The following RGS12 variants were observed in gnomAD, a reference collection of about 807,000 sequenced individuals.
RGS12 encodes the protein regulator of G-protein signaling 12.
Under a neutral mutation model 120.1 loss-of-function variants are expected in RGS12, and 66 were observed. That is an observed-to-expected ratio of 0.55 (90% CI 0.45 to 0.67). The LOEUF (loss-of-function observed/expected upper bound fraction) is 0.67, where lower values mean the gene tolerates loss of function less well. Ranked by LOEUF, RGS12 falls within the 30% of genes least tolerant of loss-of-function variation. The pLI, the probability that RGS12 is intolerant of heterozygous loss-of-function variation, is 0.00. For synonymous variants in RGS12, 827 were observed against 804.7 expected (o/e 1.03, Z -0.47); for missense variants, 1,859 against 1,957.7 (o/e 0.95, Z 0.95).
chr4:3,436,816 G>T (rs1454961601), intron 17 of RGS12, among the ~76,000 whole-genome samples: 1 of 152,194 alleles, frequency 6.6e-6, no homozygotes, highest in African/African-American at 2.4e-5. Context: ...GGGGCCTCCA[G>T]CAGGACCCCC....
At chr4:3,417,725 G>C in intron 9 of RGS12, 184 bp downstream of exon 9, 1 of 628,044 alleles carries the variant, frequency 1.6e-6, no homozygotes. Flanking sequence ...CGACCTGTCA[G>C]CCAGCCAGAG....
At chr4:3,388,448 G>A (rs527538084) in intron 4 of RGS12, among the ~76,000 whole-genome samples, 6 of 152,350 alleles carry the variant, frequency 3.9e-5, no homozygotes, top group Admixed American at 6.5e-5. Flanking sequence ...ACATTCTGCC[G>A]TTGTTAGATG....
intron 3 of RGS12, among the ~76,000 whole-genome samples, chr4:3,371,217 G>T (rs770515837): frequency 5.3e-5 from 8 of 152,208 alleles, no homozygotes; most frequent in Non-Finnish European, 1.0e-4. Context: ...AAAGCTGCTT[G>T]GAAGGTGAAG....
At chr4:3,426,582 A>C (rs1185987751) in intron 14 of RGS12, 1 of 152,082 alleles carries the variant, frequency 6.6e-6, no homozygotes, top group Admixed American at 6.5e-5. Flanking sequence ...AGCTCTTTCC[A>C]ACGTGTTGCC....
chr4:3,355,794 CA>C (rs372490658), intron 3 of RGS12, among the ~76,000 whole-genome samples: 3,533 of 58,060 alleles, frequency 0.061, 43 homozygotes, highest in African/African-American at 0.2. Context: ...GACCTTGTCT[CA>C]AAAAAAAAAA....
chr4:3,295,516 C>T (rs1256543882), intron 1 of RGS12, among the ~76,000 whole-genome samples: 5 of 151,838 alleles, frequency 3.3e-5, no homozygotes, highest in African/African-American at 9.7e-5. Flanking sequence ...CAAAATTATT[C>T]GGGTGTGGTG....
chr4:3,409,925 C>T (rs1721554392), intron 4 of RGS12, among the ~76,000 whole-genome samples: 1 of 152,222 alleles, frequency 6.6e-6, no homozygotes, highest in African/African-American at 2.4e-5. Flanking sequence ...CAGTCTCTTG[C>T]TCATCACTGT....
At chr4:3,301,269 C>G (rs1419450850) in intron 1 of RGS12, among the ~76,000 whole-genome samples, 1 of 152,244 alleles carries the variant, frequency 6.6e-6, no homozygotes, top group African/African-American at 2.4e-5. Context: ...TTGTCCTTAA[C>G]ACGCTTGGTG....
intron 3 of RGS12, among the ~76,000 whole-genome samples, chr4:3,370,735 G>C (rs925021028): frequency 2.6e-5 from 4 of 152,288 alleles, no homozygotes; most frequent in Non-Finnish European, 5.9e-5. Context: ...AATGATGGTA[G>C]CTTAACATTT....
rs80021173 is a variant in RGS12 at position 3,423,094 on chromosome 4, G to A, written c.3107+116G>A. Reference sequence around the variant, plus strand: ...CTGTGGATGCTCCATGCTGGGCTACGATGGGGTGTCGGGGCGGGGGGAGGG... The same window carrying A: ...CTGTGGATGCTCCATGCTGGGCTACAATGGGGTGTCGGGGCGGGGGGAGGG... On this transcript the variant is annotated intron_variant, in intron 12 of 17. Coordinates refer to ENST00000336727, the MANE Select transcript of RGS12 (RefSeq NM_001394154.1). 9.8e-3 allele frequency: 7,137 copies of A among 731,828 alleles called. 384 individuals carry two copies. In the African/African-American group the frequency reaches 0.11, roughly 12 times the overall value. The allele number at this position is 731,828 out of a possible 1,614,324, so 45.3% of individuals were successfully genotyped here.
chr4:3,388,972 G>T (rs563611122), intron 4 of RGS12, among the ~76,000 whole-genome samples: 1 of 152,306 alleles, frequency 6.6e-6, no homozygotes, highest in East Asian at 1.9e-4. Context: ...TCTCTGCCTG[G>T]TCATCCTGTC....
intron 1 of RGS12, among the ~76,000 whole-genome samples, chr4:3,297,766 C>T (rs957482159): frequency 2.6e-5 from 4 of 152,170 alleles, no homozygotes; most frequent in African/African-American, 9.7e-5. Context: ...ACCTGCTGCG[C>T]CGCTGTCACC....
At chr4:3,337,223 C>G (rs888519647) in intron 2 of RGS12, among the ~76,000 whole-genome samples, 2 of 152,146 alleles carry the variant, frequency 1.3e-5, no homozygotes, top group African/African-American at 4.8e-5. Flanking sequence ...AAAAATGACC[C>G]GTGTTGGGCA....
chr4:3,301,739 C>G (rs927331465), intron 1 of RGS12, among the ~76,000 whole-genome samples: 1 of 150,474 alleles, frequency 6.6e-6, no homozygotes, highest in Non-Finnish European at 1.5e-5. Flanking sequence ...GGGTTTTGTC[C>G]AAGGAAGCAG....
At chr4:3,376,908 G>A (rs577096374) in intron 3 of RGS12, among the ~76,000 whole-genome samples, 1 of 152,324 alleles carries the variant, frequency 6.6e-6, no homozygotes, top group Admixed American at 6.5e-5. Flanking sequence ...TGGCGTGGAT[G>A]CTGTGCTCTT....
At chr4:3,386,048 G>C in intron 3 of RGS12, 1 of 284,326 alleles carries the variant, frequency 3.5e-6, no homozygotes, top group Non-Finnish European at 6.6e-6. Flanking sequence ...CGGCACGTGG[G>C]CACTGAGTGG....
intron 2 of RGS12, among the ~76,000 whole-genome samples, chr4:3,332,606 CT>C (rs2108740543): frequency 6.6e-6 from 1 of 152,326 alleles, no homozygotes; most frequent in South Asian, 2.1e-4. Flanking sequence ...TTATAAGGCT[CT>C]GCGTTTCCTC....
At chr4:3,300,897 T>C (rs1441099662) in intron 1 of RGS12, among the ~76,000 whole-genome samples, 1 of 152,240 alleles carries the variant, frequency 6.6e-6, no homozygotes, top group African/African-American at 2.4e-5. Context: ...CAATCACAGC[T>C]TCTGGGGATT....
At chr4:3,286,044 A>C in the RGS12 span, among the ~76,000 whole-genome samples, 4 of 152,256 alleles carry the variant, frequency 2.6e-5, no homozygotes, top group Non-Finnish European at 5.9e-5. Context: ...AACGGAGCCC[A>C]GGGAACGTGG....
Sources: gnomAD v4.1 joint callset for allele counts (sites outside exome capture counted in the v4.1 genomes callset) on GRCh38, gnomAD v4.1.1 for gene constraint, MANE v1.5 for transcripts, NCBI Gene and HGNC (gene_info 2026-07-23, HGNC 2026-07-21) for gene names.